Variants in STRADB observed in about 807,000 individuals in gnomAD.
STRADB encodes STE20 related adaptor beta.
In STRADB, 34 loss-of-function variants were observed where a neutral mutation model predicts 52.1. That is an observed-to-expected ratio of 0.65 (90% CI 0.50 to 0.87). The LOEUF (loss-of-function observed/expected upper bound fraction) is 0.87. STRADB is among the 40% of genes least tolerant of loss of function. STRADB has a pLI of 0.00. For synonymous variants in STRADB, 133 were observed against 174.5 expected (o/e 0.76, Z 1.87); for missense variants, 340 against 483.9 (o/e 0.70, Z 2.79).
In STRADB at chr2:201,475,342, GA is replaced by G. The variant is rs949782505; in HGVS notation, c.425-266del. Among the ~76,000 whole-genome samples, 628 of 144,044 alleles carry G rather than the reference GA, an allele frequency of 4.4e-3. 5 individuals carry two copies. The highest frequency in any genetic ancestry group is 0.01 in the African/African-American group (400 of 38,740). The allele number at this position is 144,044 out of a possible 152,430, so 94.5% of individuals were successfully genotyped here. ...TTTTGTGAATTGCTTCTGGATTTAA[GA>G]AAAAAAAAAATATATATATATACAC... is the stretch of plus-strand genomic sequence containing the variant. On this transcript the variant is annotated intron_variant, in intron 6 of 11. Transcript: ENST00000194530.
intron 4 of STRADB, among the ~76,000 whole-genome samples, chr2:201,471,605 G>A (rs540602812): frequency 6.6e-6 from 1 of 152,184 alleles, no homozygotes; most frequent in Non-Finnish European, 1.5e-5. Flanking sequence ...AGATCTTTCT[G>A]ACTGTAGGAT....
At chr2:201,464,515 C>A (rs934310089) in intron 3 of STRADB, among the ~76,000 whole-genome samples, 14 of 152,342 alleles carry the variant, frequency 9.2e-5, no homozygotes, top group Non-Finnish European at 1.5e-4. Context: ...TTGCCACCAC[C>A]ACTAGGACTG....
At chr2:201,455,441 T>TAGTG (rs1411206365) in intron 2 of STRADB, among the ~76,000 whole-genome samples, 1 of 152,128 alleles carries the variant, frequency 6.6e-6, no homozygotes, top group Non-Finnish European at 1.5e-5. Context: ...AGACCACGTG[T>TAGTG]AGTGGCTCAC....
At chr2:201,453,850 A>ACC (rs1952087870) in intron 1 of STRADB, among the ~76,000 whole-genome samples, 1 of 152,246 alleles carries the variant, frequency 6.6e-6, no homozygotes, top group African/African-American at 2.4e-5. Flanking sequence ...AATGAATGGT[A>ACC]GGTGGCTAAA....
intron 3 of STRADB, among the ~76,000 whole-genome samples, chr2:201,462,881 C>T (rs1262727070): frequency 1.3e-5 from 2 of 152,202 alleles, no homozygotes; most frequent in Non-Finnish European, 1.5e-5. Flanking sequence ...TTTGTACCTT[C>T]AGATAATTTC....
At chr2:201,473,259 G>C (rs1952419328) in intron 5 of STRADB, among the ~76,000 whole-genome samples, 183 bp downstream of exon 5, 1 of 152,126 alleles carries the variant, frequency 6.6e-6, no homozygotes, top group Non-Finnish European at 1.5e-5. Flanking sequence ...GGCATTATAA[G>C]TAACCTAGAA....
At chr2:201,454,895 T>C (rs1192244111) in intron 2 of STRADB, 43 bp downstream of exon 2, 1 of 1,570,712 alleles carries the variant, frequency 6.4e-7, no homozygotes, top group South Asian at 1.2e-5. Flanking sequence ...TCTGTCAGAG[T>C]AGTTGGATGT....
At chr2:201,478,332 T>C (rs776279874) in intron 9 of STRADB, 25 bp from the exon 10 acceptor site, 1 of 1,610,548 alleles carries the variant, frequency 6.2e-7, no homozygotes, top group South Asian at 1.1e-5. Flanking sequence ...TGAAAAGTGT[T>C]GAAGGAAAGT....
chr2:201,478,634 G>A (rs1448502022), intron 10 of STRADB, 33 bp downstream of exon 10: 3 of 1,599,036 alleles, frequency 1.9e-6, no homozygotes, highest in Admixed American at 1.7e-5. Context: ...AGCACAAAAT[G>A]TACATGTTTT....
intron 3 of STRADB, among the ~76,000 whole-genome samples, chr2:201,461,000 G>C (rs907516396): frequency 6.7e-6 from 1 of 150,130 alleles, no homozygotes; most frequent in Non-Finnish European, 1.5e-5. Flanking sequence ...CAGCATATGA[G>C]GATTCTCTTT....
chr2:201,477,493 T>A (rs1167399031), intron 7 of STRADB, 126 bp from the exon 8 acceptor site: 32 of 952,132 alleles, frequency 3.4e-5, no homozygotes, highest in Admixed American at 1.1e-4. Flanking sequence ...GTTTTGCAGT[T>A]TATACTGCTG....
intron 3 of STRADB, among the ~76,000 whole-genome samples, chr2:201,467,042 T>C (rs1427641279): frequency 1.3e-5 from 2 of 152,194 alleles, no homozygotes; most frequent in Admixed American, 1.3e-4. Flanking sequence ...CTTAGGATCA[T>C]AAACTGGATT....
intron 2 of STRADB, among the ~76,000 whole-genome samples, chr2:201,455,572 G>A (rs1952115879): frequency 6.6e-6 from 1 of 151,944 alleles, no homozygotes; most frequent in East Asian, 1.9e-4. Context: ...CAGACGTAGT[G>A]TCATATGCCT....
At chr2:201,473,888 CTTTTT>C (rs889640879) in intron 5 of STRADB, among the ~76,000 whole-genome samples, 1 of 115,722 alleles carries the variant, frequency 8.6e-6, no homozygotes. Flanking sequence ...TGTTCCAATT[CTTTTT>C]TTTTTTTTTT....
At chr2:201,479,938 A>G (rs1952543616) in intron 11 of STRADB, 94 bp from the exon 12 acceptor site, 1 of 1,465,610 alleles carries the variant, frequency 6.8e-7, no homozygotes, top group Non-Finnish European at 9.5e-7. Context: ...TTTTAAACAC[A>G]TTTAACATAA....
intron 2 of STRADB, 51 bp downstream of exon 2, chr2:201,454,903 T>A (rs764928062): frequency 6.5e-7 from 1 of 1,543,496 alleles, no homozygotes; most frequent in Non-Finnish European, 8.9e-7. Flanking sequence ...AGTAGTTGGA[T>A]GTTAATGCCA....
chr2:201,480,712 C>T lies in STRADB; in HGVS notation c.*537C>T. On this transcript the variant is annotated 3_prime_UTR_variant, in exon 12 of 12. Transcript: ENST00000194530. ...AGCCTCACTCACATTAAATGATTCA[C>T]TTGAAATATATACAGAAATTGTAAT... The T allele has an allele frequency of 1.0e-6, 1 of 985,014 alleles. No homozygotes were observed. The highest frequency in any genetic ancestry group is 1.2e-6 in the Non-Finnish European group (1 of 829,162). 61.0% of individuals were successfully genotyped at this position (985,014 alleles called of 1,614,324 possible). A position where few individuals can be genotyped will look rare whatever the true frequency, so the allele number is the denominator to read the frequency against.
intron 1 of STRADB, among the ~76,000 whole-genome samples, chr2:201,452,835 C>T (rs905070133): frequency 6.6e-6 from 1 of 152,150 alleles, no homozygotes; most frequent in Non-Finnish European, 1.5e-5. Context: ...TTCACATGAA[C>T]CATTCTATTA....
chr2:201,475,234 G>C (rs1952453483), intron 6 of STRADB, among the ~76,000 whole-genome samples: 1 of 152,062 alleles, frequency 6.6e-6, no homozygotes, highest in Non-Finnish European at 1.5e-5. Context: ...AGGTGCTCAC[G>C]TAGTACTTAG....
Sources: allele counts gnomAD v4.1 joint callset (sites outside exome capture counted in the v4.1 genomes callset), GRCh38; gene constraint gnomAD v4.1.1; transcripts MANE v1.5; gene names NCBI Gene and HGNC (gene_info 2026-07-23, HGNC 2026-07-21).